The following DAGLA variants were observed in gnomAD, a reference collection of about 807,000 sequenced individuals.
The protein encoded by DAGLA is diacylglycerol lipase-alpha.
Under a neutral mutation model 102.6 loss-of-function variants are expected in DAGLA, and 22 were observed. That is an observed-to-expected ratio of 0.21 (90% CI 0.15 to 0.31). The LOEUF (loss-of-function observed/expected upper bound fraction) is 0.31. DAGLA is among the 10% of genes least tolerant of loss of function. The pLI, the probability that DAGLA is intolerant of heterozygous loss-of-function variation, is 1.00. For missense variants in DAGLA, 927 were observed against 1,446.6 expected (o/e 0.64, Z 5.83); for synonymous variants, 578 against 628.9 (o/e 0.92, Z 1.21).
chr11:61,720,146 G>A lies in DAGLA; in HGVS notation c.-10G>A, dbSNP rs1394000621. ...ACCAGGCCCACTGAGCCTCTGCAGA[G>A]CCACCAGCCATGCCCGGGATCGTGG... On this transcript the variant is annotated 5_prime_UTR_variant, in exon 2 of 20. Coordinates refer to ENST00000257215, the MANE Select transcript of DAGLA (RefSeq NM_006133.3). 6.2e-7 allele frequency: 1 copy of A among 1,611,324 alleles called. No individual in the cohort carries two copies. Among genetic ancestry groups the A allele is most frequent in the African/African-American group, 1.3e-5 (1 of 74,918 alleles).
rs1260229920 is a variant in DAGLA at position 61,746,235 on chromosome 11, C to T, written c.*1746C>T. ...GGGCCTCCCCTCATCCTCTGTAACT[C>T]CCGCCTTCACCAGACTCAAGGACAC... is the stretch of plus-strand genomic sequence containing the variant. On this transcript the variant is annotated 3_prime_UTR_variant, in exon 20 of 20. Transcript: ENST00000257215. 3.3e-5 allele frequency: 5 copies of T among 152,394 alleles called. No homozygotes were observed. Among genetic ancestry groups the T allele is most frequent in the African/African-American group, 1.2e-4 (5 of 41,442 alleles). The allele number at this position is 152,394 out of a possible 1,614,324, so 9.4% of individuals were successfully genotyped here.
In DAGLA at chr11:61,744,501, C is replaced by G; in HGVS notation, c.*12C>G. The G allele has an allele frequency of 6.5e-7, 1 of 1,528,426 alleles. No homozygotes were observed. Among genetic ancestry groups the G allele is most frequent in the Non-Finnish European group, 8.8e-7 (1 of 1,136,508 alleles). The allele number at this position is 1,528,426 out of a possible 1,614,324, so 94.7% of individuals were successfully genotyped here. On this transcript the variant is annotated 3_prime_UTR_variant, in exon 20 of 20. Coordinates refer to ENST00000257215, the MANE Select transcript of DAGLA (RefSeq NM_006133.3). ...TCTCAGCACGCTAGCACCCCAGTTGCGTGGCCAGCCGGGCCCAGGCAGGAG... is the reference window on the plus strand; with the variant it reads ...TCTCAGCACGCTAGCACCCCAGTTGGGTGGCCAGCCGGGCCCAGGCAGGAG...
chr11:61,722,411 C>T (rs1313525373), intron 3 of DAGLA, among the ~76,000 whole-genome samples: 3 of 152,164 alleles, frequency 2.0e-5, no homozygotes, highest in Non-Finnish European at 2.9e-5. Flanking sequence ...CATGACGAAA[C>T]CCCGTCTCTA....
intron 1 of DAGLA, among the ~76,000 whole-genome samples, chr11:61,700,230 T>C (rs2065098971): frequency 6.6e-6 from 1 of 151,730 alleles, no homozygotes; most frequent in African/African-American, 2.4e-5. Context: ...GACTTTTGTA[T>C]GGCAGGAGGC....
At chr11:61,737,383 G>A (rs964720530) in intron 14 of DAGLA, 59 bp downstream of exon 14, 11 of 1,599,430 alleles carry the variant, frequency 6.9e-6, no homozygotes, top group Non-Finnish European at 9.3e-6. Flanking sequence ...GAGGCTGAGG[G>A]TTGGCTGGTG....
Position 61,745,928 on chromosome 11 carries a change from G to A in DAGLA, c.*1439G>A, listed in dbSNP as rs61896068. The A allele has an allele frequency of 0.21, 31,755 of 152,316 alleles. 3,912 individuals are homozygous for A. The highest frequency in any genetic ancestry group is 0.37 in the East Asian group (1,961 of 5,290). 9.4% of individuals were successfully genotyped at this position (152,316 alleles called of 1,614,324 possible). On this transcript the variant is annotated 3_prime_UTR_variant, in exon 20 of 20. Coordinates refer to ENST00000257215, the MANE Select transcript of DAGLA (RefSeq NM_006133.3). ...GCTTTAGGCACCATCTGTTCCCATC[G>A]CGCCTGCTGCTGTGACCCGTTTTGG...
rs552293042 is a variant in DAGLA, at chr11:61,739,726, G to A, written c.1853+65G>A. ...CCAGGGCAGGGGCAGTGGAGAGCAG[G>A]GCCGGCCTTGGCTCAATCACCGCTC... On this transcript the variant is annotated intron_variant, in intron 17 of 19. Coordinates refer to ENST00000257215, the MANE Select transcript of DAGLA (RefSeq NM_006133.3). The A allele has an allele frequency of 6.6e-6, 10 of 1,513,242 alleles. No individual in the cohort carries two copies. In the South Asian group the frequency reaches 1.1e-4, roughly 16 times the overall value. The allele number at this position is 1,513,242 out of a possible 1,614,324, so 93.7% of individuals were successfully genotyped here.
intron 3 of DAGLA, among the ~76,000 whole-genome samples, chr11:61,722,030 T>G (rs142429540): frequency 6.6e-6 from 1 of 152,346 alleles, no homozygotes; most frequent in Non-Finnish European, 1.5e-5. Context: ...TCCCCTCCAG[T>G]CTCAGCCCCT....
chr11:61,740,602 C>T lies in DAGLA; in HGVS notation c.1983+10C>T, dbSNP rs11828739. The T allele has an allele frequency of 0.21, 338,463 of 1,611,766 alleles. 36,992 individuals are homozygous for T. The highest frequency in any genetic ancestry group is 0.31 in the South Asian group (28,526 of 91,016). Reference sequence around the variant, plus strand: ...GGAGGGGCTCAACAAGGTGAGGCAGCTCCCGGCAGGGTACCACCAGGGAAT... The same window carrying T: ...GGAGGGGCTCAACAAGGTGAGGCAGTTCCCGGCAGGGTACCACCAGGGAAT... On this transcript the variant is annotated intron_variant, in intron 18 of 19. Transcript: ENST00000257215.
At chr11:61,706,948 G>A (rs1418180050) in intron 1 of DAGLA, among the ~76,000 whole-genome samples, 5 of 152,258 alleles carry the variant, frequency 3.3e-5, no homozygotes, top group African/African-American at 9.6e-5. Context: ...AGACGTTGCC[G>A]TCAGCTCCTT....
intron 1 of DAGLA, among the ~76,000 whole-genome samples, chr11:61,692,544 G>C (rs768541203): frequency 2.3e-4 from 35 of 152,114 alleles, no homozygotes; most frequent in African/African-American, 3.1e-4. Context: ...CTCATTGCCT[G>C]AGAGATGGGA....
intron 17 of DAGLA, 55 bp from the exon 18 acceptor site, chr11:61,740,408 C>A: frequency 6.3e-7 from 1 of 1,588,602 alleles, no homozygotes; most frequent in Non-Finnish European, 8.6e-7. Context: ...GCCCTGGCAC[C>A]GAGGGCCAGG....
chr11:61,699,892 G>A (rs1044272480), intron 1 of DAGLA, among the ~76,000 whole-genome samples: 1 of 151,834 alleles, frequency 6.6e-6, no homozygotes, highest in Non-Finnish European at 1.5e-5. Flanking sequence ...CTGGCTGACT[G>A]TTTGCCCAAG....
At position 61,735,829 on chromosome 11, in the gene DAGLA, A is replaced by G. The variant is rs759996328; in HGVS notation, c.1290+13A>G. On this transcript the variant is annotated intron_variant, in intron 12 of 19. Transcript: ENST00000257215. ...GCTGGGCCACAAGGTAACCCACGTC[A>G]TGGACCCCAGGGCCCCTGGGCTTCT... 4 of 1,602,054 alleles carry G rather than the reference A, an allele frequency of 2.5e-6. No homozygotes were observed. The highest frequency in any genetic ancestry group is 2.6e-6 in the Non-Finnish European group (3 of 1,174,478).
intron 8 of DAGLA, 74 bp from the exon 9 acceptor site, chr11:61,731,243 T>C: frequency 3.8e-6 from 6 of 1,583,046 alleles, no homozygotes; most frequent in Non-Finnish European, 5.2e-6. Flanking sequence ...GCTCCCACCC[T>C]GGGGAACTGC....
chr11:61,713,474 C>A (rs1386914665), intron 1 of DAGLA, among the ~76,000 whole-genome samples: 1 of 152,168 alleles, frequency 6.6e-6, no homozygotes, highest in African/African-American at 2.4e-5. Context: ...CCGAAGCAGC[C>A]CAGTCCCCAA....
rs1324144384 is a variant in DAGLA, at chr11:61,729,036, C to T, written c.849+28C>T. 4 of 1,594,418 alleles carry T rather than the reference C, an allele frequency of 2.5e-6. No homozygotes were observed. In the South Asian group the frequency reaches 4.4e-5, roughly 18 times the overall value. ...GAGTCAGACATCAACTCTCACCCCA[C>T]CCCGTCCCCATCCCTCCCACTCTGC... On this transcript the variant is annotated intron_variant, in intron 8 of 19. Coordinates refer to ENST00000257215, the MANE Select transcript of DAGLA (RefSeq NM_006133.3).
chr11:61,720,927 A>G lies in DAGLA; in HGVS notation c.307+37A>G, dbSNP rs368959255. 4 of 1,574,416 alleles carry G rather than the reference A, an allele frequency of 2.5e-6. No homozygotes were observed. In the African/African-American group the frequency reaches 4.1e-5, roughly 16 times the overall value. ...CCACCCTGGGGTGCTGCCCCAGACA[A>G]CTCCCACCTCTCCATTCACTCAGCC... On this transcript the variant is annotated intron_variant, in intron 3 of 19. Transcript: ENST00000257215.
At position 61,720,209 on chromosome 11, in the gene DAGLA, C is replaced by T. The variant is rs748888247; in HGVS notation, c.54C>T (p.Leu18=). The T allele has an allele frequency of 1.2e-5, 20 of 1,613,768 alleles. No individual in the cohort carries two copies. Among genetic ancestry groups the T allele is most frequent in the East Asian group, 4.5e-5 (2 of 44,894 alleles). ...RRRWSVGSDD[L]VLPAIFLFLL... ...GCTGGTCTGTGGGCAGTGATGACCT[C>T]GTCCTACCGGCCATCTTCCTCTTTC... The change falls in exon 2 of 20, where the codon CTC becomes CTT. Residue 18 remains leucine, a synonymous_variant. Transcript: ENST00000257215.
Sources: gnomAD v4.1 joint callset for allele counts (sites outside exome capture counted in the v4.1 genomes callset) on GRCh38, gnomAD v4.1.1 for gene constraint, MANE v1.5 for transcripts, NCBI Gene and HGNC (gene_info 2026-07-23, HGNC 2026-07-21) for gene names.